The following DST variants were observed in gnomAD, a reference collection of about 807,000 sequenced individuals.
DST encodes the protein bullous pemphigoid antigen.
A neutral mutation model predicts 875.2 loss-of-function variants in DST; 253 were observed. The ratio of observed to expected loss-of-function variants is 0.29; its 90% CI spans 0.26 to 0.32. The LOEUF is 0.32. DST is among the 10% of genes least tolerant of loss of function. DST has a pLI of 1.00. For missense variants in DST, 8,287 were observed against 9,111.6 expected (o/e 0.91, Z 3.68); for synonymous variants, 3,124 against 3,197.1 (o/e 0.98, Z 0.77).
intron 3 of DST, among the ~76,000 whole-genome samples, chr6:56,873,777 C>G (rs538772670): frequency 1.3e-5 from 2 of 152,246 alleles, no homozygotes; most frequent in South Asian, 2.1e-4. Flanking sequence ...TCAGAAGGAA[C>G]AAGATCTAGT....
intron 4 of DST, among the ~76,000 whole-genome samples, chr6:56,754,982 G>A (rs1000040279): frequency 6.6e-6 from 1 of 151,990 alleles, no homozygotes; most frequent in Non-Finnish European, 1.5e-5. Flanking sequence ...TATTTCACTA[G>A]CTTATAGTAA....
chr6:56,890,232 T>C (rs1263751555), intron 3 of DST, among the ~76,000 whole-genome samples: 6 of 152,060 alleles, frequency 3.9e-5, no homozygotes, highest in Non-Finnish European at 7.3e-5. Flanking sequence ...GCTGAGAAGA[T>C]AAAATGAGAG....
At chr6:56,470,955 C>A in intron 95 of DST, 151 bp downstream of exon 95, 1 of 791,630 alleles carries the variant, frequency 1.3e-6, no homozygotes, top group Non-Finnish European at 1.9e-6. Context: ...CAAATTTTAC[C>A]AAAAAAACAT....
chr6:56,759,836 C>G (rs1039370679), intron 4 of DST, among the ~76,000 whole-genome samples: 1 of 152,194 alleles, frequency 6.6e-6, no homozygotes, highest in Non-Finnish European at 1.5e-5. Flanking sequence ...ACACTACACT[C>G]TAGGCAAGGC....
chr6:56,632,129 T>TG, intron 28 of DST, 89 bp from the exon 29 acceptor site: 1 of 959,980 alleles, frequency 1.0e-6, no homozygotes, highest in Non-Finnish European at 1.6e-6. Context: ...TTTATATTAC[T>TG]GGGACACAGC....
intron 75 of DST, among the ~76,000 whole-genome samples, chr6:56,508,326 G>A (rs1020340682): frequency 2.6e-5 from 4 of 152,076 alleles, no homozygotes; most frequent in African/African-American, 7.2e-5. Flanking sequence ...GAGCCACCAC[G>A]CAGGCCTGAG....
chr6:56,827,243 C>T (rs1050989523), intron 4 of DST, among the ~76,000 whole-genome samples: 2 of 152,044 alleles, frequency 1.3e-5, no homozygotes, highest in African/African-American at 2.4e-5. Context: ...GGGCCGGGCG[C>T]GGTGGCTCTC....
At chr6:56,776,662 A>G (rs1318170734) in intron 4 of DST, among the ~76,000 whole-genome samples, 2 of 152,168 alleles carry the variant, frequency 1.3e-5, no homozygotes, top group African/African-American at 4.8e-5. Flanking sequence ...TTTTAATTTC[A>G]AAAGGGTCAC....
rs1016833669 is a variant in DST at position 56,947,618 on chromosome 6, C to A, written c.216+6167G>T. On this transcript the variant is annotated intron_variant, in intron 2 of 103. Transcript: ENST00000680361. ...CAAATAAAATAATGTTATGTCAAAG[C>A]CTTTTGTCAACTGTCATGTAGTATA... Among the ~76,000 whole-genome samples, 5 of 152,166 alleles carry A rather than the reference C, an allele frequency of 3.3e-5. No individual in the cohort carries two copies. The East Asian group carries it at 5.8e-4, about 18-fold the overall frequency.
intron 10 of DST, among the ~76,000 whole-genome samples, chr6:56,654,550 T>C (rs903520438): frequency 6.9e-6 from 1 of 145,968 alleles, no homozygotes; most frequent in Non-Finnish European, 1.5e-5. Context: ...TTATCTTTCA[T>C]ACAACACCCA....
At chr6:56,632,184 G>T (rs2098787021) in intron 28 of DST, 144 bp from the exon 29 acceptor site, 2 of 597,962 alleles carry the variant, frequency 3.3e-6, no homozygotes, top group South Asian at 2.4e-5. Context: ...CCCATTCTAA[G>T]GATATAAATC....
At position 56,561,430 on chromosome 6, in the gene DST, G is replaced by C. The variant is rs776042660; in HGVS notation, c.14188C>G (p.Gln4730Glu). 7 of 1,613,802 alleles carry C rather than the reference G, an allele frequency of 4.3e-6. No homozygotes were observed. The highest frequency in any genetic ancestry group is 5.9e-6 in the Non-Finnish European group (7 of 1,179,810). The part of the protein sequence containing the change: ...NTKLSKLQKA[Q>E]EESSAMMQWL... ...TGCATCATTGCACTTGATTCTTCCT[G>C]AGCCTTTTGCAATTTGGAGAGTTTA... Residue 4730 changes from glutamine to glutamate, a missense_variant, in exon 57 of 104, where the codon CAG (glutamine) becomes GAG (glutamate). Gln to Glu is a conservative substitution (Grantham distance 29, BLOSUM62 2). This residue lies in a region of DST where 1,513 missense variants were observed against 1,677.8 expected (regional missense o/e 0.90). Coordinates refer to ENST00000680361, the MANE Select transcript of DST (RefSeq NM_001374736.1).
At chr6:56,598,400 T>C (rs951002803) in intron 46 of DST, 76 bp downstream of exon 46, 1 of 867,714 alleles carries the variant, frequency 1.2e-6, no homozygotes, top group Non-Finnish European at 1.7e-6. Context: ...TTACTACCAC[T>C]GGATATTAAT....
chr6:56,717,182 C>CAAATAAAT (rs35485370), intron 5 of DST, among the ~76,000 whole-genome samples: 17,514 of 142,586 alleles, frequency 0.12, 1,258 homozygotes, highest in Non-Finnish European at 0.16. Flanking sequence ...GACTCCGTCT[C>CAAATAAAT]AAATAAATAA....
At chr6:56,830,447 CTTCT>C (rs2099785655) in intron 4 of DST, among the ~76,000 whole-genome samples, 1 of 152,102 alleles carries the variant, frequency 6.6e-6, no homozygotes, top group Non-Finnish European at 1.5e-5. Context: ...CTTTTGTCCA[CTTCT>C]TTATTTTCCA....
At position 56,658,028 on chromosome 6, in the gene DST, A is replaced by G. The variant is rs1323629546; in HGVS notation, c.1215-6784T>C. ...TGATCCACTCGCCTCGGCCCCCCCA[A>G]CTGCTGGTATTATAGGCATGAGACA... On this transcript the variant is annotated intron_variant, in intron 10 of 103. Transcript: ENST00000680361. 4.0e-5 allele frequency among the ~76,000 whole-genome samples: 6 copies of G among 150,990 alleles called. No homozygotes were observed. The East Asian group carries it at 5.9e-4, about 15-fold the overall frequency.
chr6:56,671,998 G>A (rs554414431), intron 9 of DST, among the ~76,000 whole-genome samples: 2 of 152,248 alleles, frequency 1.3e-5, no homozygotes, highest in Admixed American at 6.5e-5. Context: ...TCAGTCTAAA[G>A]TTTTACTAAC....
intron 22 of DST, among the ~76,000 whole-genome samples, chr6:56,638,285 C>T (rs1464225990): frequency 1.3e-5 from 2 of 152,066 alleles, no homozygotes; most frequent in African/African-American, 4.8e-5. Context: ...CCATTACTCT[C>T]CTTTCCCTAA....
chr6:56,700,018 G>A (rs1217456949), intron 8 of DST, among the ~76,000 whole-genome samples: 1 of 152,188 alleles, frequency 6.6e-6, no homozygotes, highest in Non-Finnish European at 1.5e-5. Context: ...CATAGGGACT[G>A]GGCTGCATGG....
Sources: allele counts gnomAD v4.1 joint callset (sites outside exome capture counted in the v4.1 genomes callset), GRCh38; gene constraint gnomAD v4.1.1; regional missense constraint gnomAD v4.1.1; transcripts MANE v1.5; gene names NCBI Gene and HGNC (gene_info 2026-07-23, HGNC 2026-07-21).